The following DLC1 variants were observed in gnomAD, a reference collection of about 807,000 sequenced individuals.
DLC1 encodes the protein DLC1 Rho GTPase activating protein.
In DLC1, 54 loss-of-function variants were observed where a neutral mutation model predicts 140.3. The observed-to-expected ratio is 0.38, with a 90% confidence interval of 0.31 to 0.48. The LOEUF is 0.48. DLC1 is among the 20% of genes least tolerant of loss of function. The probability of loss-of-function intolerance (pLI) is 0.96; values close to 1 mark genes in which losing one functional copy is unlikely to be tolerated. For synonymous variants in DLC1, 986 were observed against 728.1 expected (o/e 1.35, Z -5.70); for missense variants, 2,536 against 1,907.0 (o/e 1.33, Z -6.14).
At chr8:13,452,282 C>T (rs1799101628) in intron 2 of DLC1, among the ~76,000 whole-genome samples, 1 of 151,886 alleles carries the variant, frequency 6.6e-6, no homozygotes, top group Admixed American at 6.6e-5. Context: ...ACTCAATCAG[C>T]TTATATCTAT....
intron 5 of DLC1, among the ~76,000 whole-genome samples, chr8:13,140,069 AG>A (rs746038864): frequency 3.7e-4 from 57 of 152,074 alleles, no homozygotes; most frequent in Non-Finnish European, 7.2e-4. Flanking sequence ...CCCTTCCCCC[AG>A]CCCCTGGTAA....
chr8:13,594,331 A>T (rs1005480252), intron 1 of DLC1, among the ~76,000 whole-genome samples: 1 of 152,060 alleles, frequency 6.6e-6, no homozygotes, highest in African/African-American at 2.4e-5. Flanking sequence ...AATGCAGCCT[A>T]CTTCGCTCTG....
upstream of DLC1, among the ~76,000 whole-genome samples, chr8:13,517,088 A>C (rs1047401127): frequency 2.0e-5 from 3 of 152,210 alleles, no homozygotes; most frequent in Non-Finnish European, 4.4e-5. Context: ...ATATGCAGAA[A>C]TATTTGTGTA....
intron 2 of DLC1, among the ~76,000 whole-genome samples, chr8:13,450,956 T>C (rs1799012800): frequency 7.1e-6 from 1 of 140,800 alleles, no homozygotes; most frequent in Admixed American, 7.8e-5. Flanking sequence ...GGAGAATCAC[T>C]TGAAACCGGG....
intron 5 of DLC1, among the ~76,000 whole-genome samples, chr8:13,142,047 G>A (rs141356042): frequency 0.039 from 5,927 of 152,212 alleles, 242 homozygotes; most frequent in African/African-American, 0.1. Flanking sequence ...ATTCTCACGA[G>A]ATCTGATGGT....
chr8:13,334,631 G>T (rs907049577), intron 4 of DLC1, among the ~76,000 whole-genome samples: 2 of 152,094 alleles, frequency 1.3e-5, no homozygotes, highest in Admixed American at 1.3e-4. Flanking sequence ...TAGATAAAGT[G>T]GGCAGGACTT....
At chr8:13,603,654 C>G (rs889858029) in intron 1 of DLC1, among the ~76,000 whole-genome samples, 1 of 152,064 alleles carries the variant, frequency 6.6e-6, no homozygotes, top group Non-Finnish European at 1.5e-5. Context: ...GACCCTTGCC[C>G]TGTTAGGAAC....
chr8:13,452,388 C>G (rs1799106945), intron 2 of DLC1, among the ~76,000 whole-genome samples: 2 of 152,020 alleles, frequency 1.3e-5, no homozygotes, highest in Non-Finnish European at 2.9e-5. Context: ...TTTATGTTAT[C>G]CTATCTATGG....
At chr8:13,341,599 C>G (rs1834054555) in intron 4 of DLC1, 1 of 152,138 alleles carries the variant, frequency 6.6e-6, no homozygotes, top group South Asian at 2.1e-4. Context: ...CGCTGCTGGG[C>G]TTCAGAGGAT....
rs60048506 is a variant in DLC1 at position 13,297,282 on chromosome 8, T to TAAA, written c.1348+7984_1348+7986dup. ...CAGGCAAGCAGAGGCCTTCATACATTAAAAAAAAAAAAAACTGAAGCAAGT... is the reference window on the plus strand; with the variant it reads ...CAGGCAAGCAGAGGCCTTCATACATTAAAAAAAAAAAAAAAAACTGAAGCAAGT... On this transcript the variant is annotated intron_variant, in intron 5 of 17. Coordinates refer to ENST00000276297, the MANE Select transcript of DLC1 (RefSeq NM_182643.3). Among the ~76,000 whole-genome samples, 15 of 9,636 alleles carry TAAA rather than the reference T, an allele frequency of 1.6e-3. 6 individuals are homozygous for TAAA. The highest frequency in any genetic ancestry group is 5.0e-3 in the Admixed American group (2 of 402). The allele number at this position is 9,636 out of a possible 152,430, so 6.3% of individuals were successfully genotyped here. A position where few individuals can be genotyped will look rare whatever the true frequency, so the allele number is the denominator to read the frequency against.
chr8:13,411,614 G>C lies in DLC1; in HGVS notation c.1024-9995C>G, dbSNP rs151014485. On this transcript the variant is annotated intron_variant, in intron 2 of 17. Transcript: ENST00000276297. ...ATGTACTACTTTGGTGCTGGATGTT[G>C]ATGGTGGCTATTGGCAGAGGGCATA... is the stretch of plus-strand genomic sequence containing the variant. 1.5e-4 allele frequency among the ~76,000 whole-genome samples: 23 copies of C among 152,258 alleles called. No individual in the cohort carries two copies. In the East Asian group the frequency reaches 2.1e-3, roughly 14 times the overall value.
rs751617818 is a variant in DLC1, at chr8:13,100,521, G to A, written c.1816C>T (p.His606Tyr). 13 of 1,612,594 alleles carry A rather than the reference G, an allele frequency of 8.1e-6. No homozygotes were observed. The East Asian group carries it at 2.7e-4, about 33-fold the overall frequency. The change falls in exon 9 of 18, where the codon CAC becomes TAC. Residue 606 changes from histidine to tyrosine, a missense_variant. His to Tyr is a moderately conservative substitution (Grantham distance 83). Transcript: ENST00000276297. ...GCAGCATCCTCGCTGGGGGGCGCGT[G>A]GCTGGGGAGGCTGCCAGTGCTGCTG... The part of the protein sequence containing the change: ...SLSSTGSLPS[H>Y]APPSEDAATP...
At chr8:13,181,015 T>A (rs1177312774) in intron 5 of DLC1, among the ~76,000 whole-genome samples, 2 of 152,150 alleles carry the variant, frequency 1.3e-5, no homozygotes, top group Admixed American at 1.3e-4. Flanking sequence ...TTGAAATTTA[T>A]CAGCAAAAAG....
intron 5 of DLC1, among the ~76,000 whole-genome samples, chr8:13,140,900 T>C (rs1212301326): frequency 6.6e-6 from 1 of 152,192 alleles, no homozygotes; most frequent in Admixed American, 6.5e-5. Flanking sequence ...TCTAGCTGTC[T>C]TATTTTTCTC....
At chr8:13,522,638 A>G (rs1002782438) in intron 1 of DLC1, among the ~76,000 whole-genome samples, 19 of 152,152 alleles carry the variant, frequency 1.2e-4, no homozygotes, top group African/African-American at 4.6e-4. Context: ...AAATAAATAA[A>G]TAAACAAATA....
intron 2 of DLC1, among the ~76,000 whole-genome samples, chr8:13,413,744 T>C (rs1272475367): frequency 6.6e-6 from 1 of 152,144 alleles, no homozygotes; most frequent in African/African-American, 2.4e-5. Context: ...TGCCACCTAG[T>C]AAAGAAGGTA....
At chr8:13,197,106 A>G (rs1827108115) in intron 5 of DLC1, among the ~76,000 whole-genome samples, 1 of 152,196 alleles carries the variant, frequency 6.6e-6, no homozygotes, top group African/African-American at 2.4e-5. Context: ...TTAATCCTGC[A>G]TATAGTTTCC....
At chr8:13,402,467 CTGT>C (rs1837340205) in intron 2 of DLC1, among the ~76,000 whole-genome samples, 1 of 152,172 alleles carries the variant, frequency 6.6e-6, no homozygotes, top group Non-Finnish European at 1.5e-5. Flanking sequence ...AAAAAAAATA[CTGT>C]AGAAAGCACA....
At chr8:13,236,731 T>C (rs552921468) in intron 5 of DLC1, among the ~76,000 whole-genome samples, 1 of 152,116 alleles carries the variant, frequency 6.6e-6, no homozygotes, top group African/African-American at 2.4e-5. Flanking sequence ...TACGTAATGA[T>C]TCCAACTTTT....
Sources: gnomAD v4.1 joint callset for allele counts (sites outside exome capture counted in the v4.1 genomes callset) on GRCh38, gnomAD v4.1.1 for gene constraint, MANE v1.5 for transcripts, NCBI Gene and HGNC (gene_info 2026-07-23, HGNC 2026-07-21) for gene names.